Variants in EXT1 observed in about 807,000 individuals in gnomAD.
EXT1 encodes the protein exostosin glycosyltransferase 1, also known as exostosin-1.
A neutral mutation model predicts 82.5 loss-of-function variants in EXT1; 20 were observed. The observed-to-expected ratio is 0.24, with a 90% CI of 0.17 to 0.35. EXT1 has a LOEUF of 0.35. Among genes scored for constraint, EXT1 ranks in the 10% least tolerant of loss-of-function variants. EXT1 has a pLI of 1.00. For synonymous variants in EXT1, 348 were observed against 350.8 expected (o/e 0.99, Z 0.09); for missense variants, 757 against 936.5 (o/e 0.81, Z 2.50).
At chr8:118,035,597 AAC>A (rs59295132) in intron 1 of EXT1, among the ~76,000 whole-genome samples, 12 of 150,112 alleles carry the variant, frequency 8.0e-5, no homozygotes, top group Admixed American at 1.3e-4. Context: ...ACTCAATTCA[AAC>A]ACACACACAC....
chr8:117,941,178 G>C (rs1031099947), intron 1 of EXT1, among the ~76,000 whole-genome samples: 2 of 152,342 alleles, frequency 1.3e-5, no homozygotes, highest in African/African-American at 2.4e-5. Flanking sequence ...AGAGGCAAGT[G>C]GGGGAGCAGC....
chr8:117,956,267 C>T (rs1408556008), intron 1 of EXT1, among the ~76,000 whole-genome samples: 1 of 151,726 alleles, frequency 6.6e-6, no homozygotes, highest in Non-Finnish European at 1.5e-5. Context: ...ATCACTTCCA[C>T]TCACTGGACC....
At chr8:117,903,975 C>A (rs367825466) in intron 1 of EXT1, among the ~76,000 whole-genome samples, 1 of 152,140 alleles carries the variant, frequency 6.6e-6, no homozygotes, top group African/African-American at 2.4e-5. Context: ...TAGGAACACG[C>A]GTTACTCAAG....
At chr8:117,871,814 G>A (rs775131215) in intron 1 of EXT1, among the ~76,000 whole-genome samples, 5 of 152,108 alleles carry the variant, frequency 3.3e-5, no homozygotes, top group Non-Finnish European at 5.9e-5. Context: ...GGGCACGGTT[G>A]CCTGGGGCCA....
At position 118,067,525 on chromosome 8, in the gene EXT1, A is replaced by T. The variant is rs532935043; in HGVS notation, c.962+42560T>A. On this transcript the variant is annotated intron_variant, in intron 1 of 10. Coordinates refer to ENST00000378204, the MANE Select transcript of EXT1 (RefSeq NM_000127.3). ...ACTTTCCAGGATGGACATAGTACATAACAGAGCCTAGCTTTAAACTAGACT... is the reference window on the plus strand; with the variant it reads ...ACTTTCCAGGATGGACATAGTACATTACAGAGCCTAGCTTTAAACTAGACT... Among the ~76,000 whole-genome samples the T allele has an allele frequency of 4.6e-5, 7 of 152,358 alleles. No individual in the cohort carries two copies. In the East Asian group the frequency reaches 1.3e-3, roughly 29 times the overall value.
chr8:118,028,931 A>T (rs931605987), intron 1 of EXT1, among the ~76,000 whole-genome samples: 3 of 152,334 alleles, frequency 2.0e-5, no homozygotes, highest in African/African-American at 4.8e-5. Flanking sequence ...TCAAAGAAAA[A>T]AAATAAATAA....
At chr8:117,868,774 G>C (rs936580061) in intron 1 of EXT1, among the ~76,000 whole-genome samples, 1 of 152,148 alleles carries the variant, frequency 6.6e-6, no homozygotes, top group African/African-American at 2.4e-5. Flanking sequence ...GAGGTAGGTA[G>C]AGGCTATATA....
intron 4 of EXT1, among the ~76,000 whole-genome samples, chr8:117,824,111 G>GT (rs139720552): frequency 0.18 from 26,826 of 150,826 alleles, 2,676 homozygotes; most frequent in Non-Finnish European, 0.21. Context: ...TCCTTTTTTT[G>GT]TTTTTTTCTT....
At chr8:118,070,226 CTGTGTGTGTGTG>C (rs36229782) in intron 1 of EXT1, among the ~76,000 whole-genome samples, 3,870 of 133,422 alleles carry the variant, frequency 0.029, 110 homozygotes, top group African/African-American at 0.075. Context: ...TCATAAATTT[CTGTGTGTGTGTG>C]TGTGTGTGTG....
intron 1 of EXT1, among the ~76,000 whole-genome samples, chr8:117,905,392 T>C (rs1173148354): frequency 1.3e-5 from 2 of 152,172 alleles, no homozygotes; most frequent in Non-Finnish European, 2.9e-5. Flanking sequence ...TCCTGTTGTT[T>C]TAATATGGTG....
intron 3 of EXT1, among the ~76,000 whole-genome samples, chr8:117,831,006 A>G (rs974959053): frequency 6.6e-6 from 1 of 152,222 alleles, no homozygotes; most frequent in African/African-American, 2.4e-5. Context: ...TAAAGGAAGG[A>G]CCTATATCTT....
chr8:117,954,345 T>C (rs764375836), intron 1 of EXT1, among the ~76,000 whole-genome samples: 5 of 152,208 alleles, frequency 3.3e-5, no homozygotes, highest in Non-Finnish European at 5.9e-5. Context: ...AGGAGGAGAC[T>C]AGAAGTTGTC....
At chr8:118,055,050 T>C (rs1423063252) in intron 1 of EXT1, among the ~76,000 whole-genome samples, 3 of 152,280 alleles carry the variant, frequency 2.0e-5, no homozygotes, top group Admixed American at 2.0e-4. Flanking sequence ...TTTGATAAGT[T>C]TGACATGCAT....
intron 4 of EXT1, among the ~76,000 whole-genome samples, chr8:117,828,037 G>GA (rs1214884393): frequency 6.6e-6 from 1 of 151,788 alleles, no homozygotes; most frequent in South Asian, 2.1e-4. Flanking sequence ...ATTAAATGGA[G>GA]AAAAAATGTA....
chr8:118,017,691 C>G (rs1396659875), intron 1 of EXT1, among the ~76,000 whole-genome samples: 3 of 152,214 alleles, frequency 2.0e-5, no homozygotes, highest in African/African-American at 7.2e-5. Flanking sequence ...TGCAAATTAT[C>G]AAAGCAACTC....
chr8:117,864,031 T>C (rs768632423), intron 1 of EXT1, among the ~76,000 whole-genome samples: 14 of 152,182 alleles, frequency 9.2e-5, no homozygotes, highest in Non-Finnish European at 1.8e-4. Flanking sequence ...CAACAGGTTG[T>C]ATGGAATTTT....
At chr8:117,841,577 A>G (rs1402387449) in intron 1 of EXT1, among the ~76,000 whole-genome samples, 1 of 152,138 alleles carries the variant, frequency 6.6e-6, no homozygotes, top group African/African-American at 2.4e-5. Context: ...GAGACAACTA[A>G]CCCCAGATAA....
chr8:118,008,823 T>C (rs1815835256), intron 1 of EXT1, among the ~76,000 whole-genome samples: 1 of 152,202 alleles, frequency 6.6e-6, no homozygotes, highest in Non-Finnish European at 1.5e-5. Flanking sequence ...AAAATGAAGA[T>C]ACTATCAGTC....
At chr8:117,967,543 A>T (rs1814848481) in intron 1 of EXT1, among the ~76,000 whole-genome samples, 1 of 152,184 alleles carries the variant, frequency 6.6e-6, no homozygotes, top group Non-Finnish European at 1.5e-5. Flanking sequence ...ATATGGTTTG[A>T]ACTAAACAAA....
Sources: allele counts gnomAD v4.1 joint callset (sites outside exome capture counted in the v4.1 genomes callset), GRCh38; gene constraint gnomAD v4.1.1; transcripts MANE v1.5; gene names NCBI Gene and HGNC (gene_info 2026-07-23, HGNC 2026-07-21).